DTX1: variants seen among roughly 807,000 people sequenced by gnomAD.
DTX1 encodes deltex E3 ubiquitin ligase 1.
A neutral mutation model predicts 57.8 loss-of-function variants in DTX1; 26 were observed. The ratio of observed to expected loss-of-function variants is 0.45; its 90% CI spans 0.33 to 0.62. The LOEUF (loss-of-function observed/expected upper bound fraction) is 0.62, where lower values mean the gene tolerates loss of function less well. DTX1 is among the 20% of genes least tolerant of loss of function. DTX1 has a pLI of 0.02. For synonymous variants in DTX1, 398 were observed against 394.1 expected (o/e 1.01, Z -0.12); for missense variants, 704 against 895.3 (o/e 0.79, Z 2.73).
chr12:113,063,065 G>A (rs980478495), intron 2 of DTX1, among the ~76,000 whole-genome samples: 1 of 152,310 alleles, frequency 6.6e-6, no homozygotes, highest in African/African-American at 2.4e-5. Flanking sequence ...TCGCTTGCTC[G>A]CTTCGCAGTA....
In DTX1 at chr12:113,094,109, G is replaced by T; in HGVS notation, c.1227+10G>T. Reference sequence around the variant, plus strand: ...AAACCCACCTGATGAGGTGAGGAGGGGATGGGGGGGCTGGGGGAGGGCCCT... The same window carrying T: ...AAACCCACCTGATGAGGTGAGGAGGTGATGGGGGGGCTGGGGGAGGGCCCT... On this transcript the variant is annotated intron_variant, in intron 6 of 9. Transcript: ENST00000548759. 1 of 1,532,638 alleles carries T rather than the reference G, an allele frequency of 6.5e-7. No homozygotes were observed. The highest frequency in any genetic ancestry group is 8.9e-7 in the Non-Finnish European group (1 of 1,127,236). 94.9% of individuals were successfully genotyped at this position (1,532,638 alleles called of 1,614,324 possible).
At position 113,093,050 on chromosome 12, in the gene DTX1, C is replaced by A. The variant is rs964231677; in HGVS notation, c.942-112C>A. 8 of 1,061,164 alleles carry A rather than the reference C, an allele frequency of 7.5e-6. No homozygotes were observed. Among genetic ancestry groups the A allele is most frequent in the Non-Finnish European group, 1.1e-5 (8 of 723,016 alleles). 65.7% of individuals were successfully genotyped at this position (1,061,164 alleles called of 1,614,324 possible). A position where few individuals can be genotyped will look rare whatever the true frequency, so the allele number is the denominator to read the frequency against. On this transcript the variant is annotated intron_variant, in intron 3 of 9. Transcript: ENST00000548759. The surrounding 1 kb of genome is among the most constrained non-coding windows in gnomAD (Gnocchi z 4.2). ...GGTAACTGCAGTTGGCAGAGAGGTA[C>A]AAAGAGGCCAGGGTGTGTGGCCCAG... is the stretch of plus-strand genomic sequence containing the variant.
chr12:113,071,167 ATGTCTCTCTC>A (rs2044735483), intron 2 of DTX1, among the ~76,000 whole-genome samples: 1 of 152,174 alleles, frequency 6.6e-6, no homozygotes, highest in East Asian at 1.9e-4. Flanking sequence ...TTGATCATGT[ATGTCTCTCTC>A]TGTCTCTCTC....
At chr12:113,080,974 C>CAAAA (rs55853221) in intron 3 of DTX1, among the ~76,000 whole-genome samples, 111 of 141,618 alleles carry the variant, frequency 7.8e-4, no homozygotes, top group Middle Eastern at 3.6e-3. Flanking sequence ...GACACTGTCT[C>CAAAA]AAAAAAAAAA....
At chr12:113,075,373 T>C (rs1363180018) in intron 2 of DTX1, among the ~76,000 whole-genome samples, 1 of 152,212 alleles carries the variant, frequency 6.6e-6, no homozygotes, top group African/African-American at 2.4e-5. Context: ...GGGTCATGGA[T>C]GATCACCCCT....
In DTX1 at chr12:113,077,654, C is replaced by T. The variant is rs1487069789; in HGVS notation, c.490C>T (p.Arg164Cys). 1 of 1,585,528 alleles carries T rather than the reference C, an allele frequency of 6.3e-7. No homozygotes were observed. The highest frequency in any genetic ancestry group is 8.6e-7 in the Non-Finnish European group (1 of 1,169,192). ...CATGTCGCAGATGAACCGCCAGACGCGCCGGCGCCGCCGCCTGCGCCGCCG... is the reference window on the plus strand; with the variant it reads ...CATGTCGCAGATGAACCGCCAGACGTGCCGGCGCCGCCGCCTGCGCCGCCG... ...NSMSQMNRQT[R>C]RRRRLRRRLD... The change falls in exon 3 of 10, where the codon CGC becomes TGC. Residue 164 changes from arginine to cysteine, a missense_variant. This residue lies in a region of DTX1 where 237 missense variants were observed against 328.6 expected (regional missense o/e 0.72). Transcript: ENST00000548759. This position sits in a 1 kb window ranked among gnomAD's most constrained non-coding sequence, Gnocchi z 7.8.
At chr12:113,082,193 T>G (rs1488692309) in intron 3 of DTX1, among the ~76,000 whole-genome samples, 1 of 152,008 alleles carries the variant, frequency 6.6e-6, no homozygotes, top group Non-Finnish European at 1.5e-5. Flanking sequence ...TGGGGGAAAC[T>G]TCTCAAGAAC....
At position 113,093,254 on chromosome 12, in the gene DTX1, G is replaced by A. The variant is rs1325813427; in HGVS notation, c.1003+31G>A. On this transcript the variant is annotated intron_variant, in intron 4 of 9. Transcript: ENST00000548759. The surrounding 1 kb of genome is among the most constrained non-coding windows in gnomAD (Gnocchi z 4.2). ...GTCTGGCCCAGGGCGGGAAAGAAGGGCGGGGCCCACTAGGAGGCAGCTCCG... is the reference window on the plus strand; with the variant it reads ...GTCTGGCCCAGGGCGGGAAAGAAGGACGGGGCCCACTAGGAGGCAGCTCCG... The A allele has an allele frequency of 9.6e-6, 15 of 1,567,098 alleles. No homozygotes were observed. The Admixed American group carries it at 2.6e-4, about 27-fold the overall frequency.
At chr12:113,080,077 A>G (rs527546976) in intron 3 of DTX1, among the ~76,000 whole-genome samples, 2 of 140,658 alleles carry the variant, frequency 1.4e-5, no homozygotes, top group African/African-American at 5.2e-5. Context: ...GGGAAGCTGT[A>G]ATTTTCCAGG....
At chr12:113,081,288 C>T (rs142798548) in intron 3 of DTX1, among the ~76,000 whole-genome samples, 1 of 152,286 alleles carries the variant, frequency 6.6e-6, no homozygotes, top group East Asian at 1.9e-4. Context: ...GAGATCACGC[C>T]ACTGCACTCC....
intron 2 of DTX1, among the ~76,000 whole-genome samples, chr12:113,068,128 C>CAGT (rs1295633914): frequency 6.6e-6 from 1 of 152,242 alleles, no homozygotes; most frequent in Admixed American, 6.5e-5. Flanking sequence ...GCCCAGCTTG[C>CAGT]AGTCTCCAGC....
At chr12:113,086,140 T>C (rs1215157256) in intron 3 of DTX1, among the ~76,000 whole-genome samples, 1 of 151,528 alleles carries the variant, frequency 6.6e-6, no homozygotes, top group Non-Finnish European at 1.5e-5. Flanking sequence ...CGGTGGTGCG[T>C]GCCTGTAGTC....
chr12:113,064,840 C>A (rs957232536), intron 2 of DTX1, among the ~76,000 whole-genome samples: 1 of 152,232 alleles, frequency 6.6e-6, no homozygotes, highest in African/African-American at 2.4e-5. Flanking sequence ...ATGCACGGTG[C>A]CTTCAGCCAT....
rs185457075 is a variant in DTX1 at position 113,092,680 on chromosome 12, T to C, written c.942-482T>C. Among the ~76,000 whole-genome samples the C allele has an allele frequency of 2.6e-3, 399 of 152,318 alleles. 3 individuals are homozygous for C. The highest frequency in any genetic ancestry group is 9.0e-3 in the African/African-American group (376 of 41,578). On this transcript the variant is annotated intron_variant, in intron 3 of 9. Transcript: ENST00000548759. The stretch of plus-strand genomic sequence containing the variant: ...GGGCTTGTCAGAGCCTTTAATATGC[T>C]CAGATATGTTGTGAATTTCAGAGAG...
chr12:113,081,412 T>G (rs777640703), intron 3 of DTX1, among the ~76,000 whole-genome samples: 32 of 152,234 alleles, frequency 2.1e-4, no homozygotes, highest in Admixed American at 1.3e-4. Flanking sequence ...GGCCTAGTGT[T>G]AATTCTCCAA....
Position 113,071,977 on chromosome 12 carries a change from C to T in DTX1, c.260-5447C>T, listed in dbSNP as rs1056073639. On this transcript the variant is annotated intron_variant, in intron 2 of 9. Transcript: ENST00000548759. ...AGCCCTGGAGAGAGGGAGGCCTGGG[C>T]TAGCTGGCCCTGACGGGCTCCCAGA... Among the ~76,000 whole-genome samples the T allele has an allele frequency of 1.2e-4, 19 of 152,240 alleles. 1 individual carries two copies. Among genetic ancestry groups the T allele is most frequent in the African/African-American group, 4.6e-4 (19 of 41,470 alleles).
chr12:113,093,196 A>G lies in DTX1; in HGVS notation c.976A>G (p.Thr326Ala). ...ACTCCCGGTGAAGAACTTGAATGGTACTGGGCCGGTCCATCCGGCCCTGGC... is the reference window on the plus strand; with the variant it reads ...ACTCCCGGTGAAGAACTTGAATGGTGCTGGGCCGGTCCATCCGGCCCTGGC... ...PALPVKNLNG[T>A]GPVHPALAGM... The change falls in exon 4 of 10, where the codon ACT (threonine) becomes GCT (alanine). Residue 326 changes from threonine to alanine, a missense_variant. Around this residue, in one of 3 missense-constraint regions of DTX1, gnomAD observed 299 missense variants for 311.2 expected, o/e 0.96. Transcript: ENST00000548759. This position sits in a 1 kb window ranked among gnomAD's most constrained non-coding sequence, Gnocchi z 4.2. 6.3e-7 allele frequency: 1 copy of G among 1,599,396 alleles called. No homozygotes were observed.
Position 113,093,062 on chromosome 12 carries a change from G to A in DTX1, c.942-100G>A. 1 of 1,198,536 alleles carries A rather than the reference G, an allele frequency of 8.3e-7. No individual in the cohort carries two copies. The highest frequency in any genetic ancestry group is 1.2e-6 in the Non-Finnish European group (1 of 834,878). The allele number at this position is 1,198,536 out of a possible 1,614,324, so 74.2% of individuals were successfully genotyped here. ...TGGCAGAGAGGTACAAAGAGGCCAG[G>A]GTGTGTGGCCCAGGAGCCAGAGACA... On this transcript the variant is annotated intron_variant, in intron 3 of 9. Transcript: ENST00000548759. The surrounding 1 kb of genome is among the most constrained non-coding windows in gnomAD (Gnocchi z 4.2).
rs2136420034 is a variant in DTX1, at chr12:113,057,579, T to A, written c.-614T>A. ...GGGTCCACGCCGCACCCCTCCCCCGTGCGTTCTGCGGCCACCCAGGCCTTC... is the reference window on the plus strand; with the variant it reads ...GGGTCCACGCCGCACCCCTCCCCCGAGCGTTCTGCGGCCACCCAGGCCTTC... On this transcript the variant is annotated 5_prime_UTR_variant, in exon 2 of 10. Coordinates refer to ENST00000548759, the MANE Select transcript of DTX1 (RefSeq NM_004416.3). The A allele has an allele frequency of 6.6e-6, 1 of 151,336 alleles. No homozygotes were observed. The highest frequency in any genetic ancestry group is 2.0e-4 in the East Asian group (1 of 5,004). 9.4% of individuals were successfully genotyped at this position (151,336 alleles called of 1,614,324 possible). A position where few individuals can be genotyped will look rare whatever the true frequency, so the allele number is the denominator to read the frequency against.
Sources: gnomAD v4.1 joint callset for allele counts (sites outside exome capture counted in the v4.1 genomes callset) on GRCh38, gnomAD v4.1.1 for gene constraint, gnomAD v4.1.1 regional missense constraint, Gnocchi (gnomAD v3.1) non-coding constraint, MANE v1.5 for transcripts, NCBI Gene and HGNC (gene_info 2026-07-23, HGNC 2026-07-21) for gene names.